Variants in LRRIQ1 observed in about 807,000 individuals in gnomAD.
LRRIQ1 encodes the protein leucine-rich repeat- and IQ domain-containing protein 1.
A neutral mutation model predicts 211.9 loss-of-function variants in LRRIQ1; 210 were observed. That is an observed-to-expected ratio of 0.99 (90% CI 0.89 to 1.11). The LOEUF is 1.11. Among genes scored for constraint, LRRIQ1 ranks in the 50% most tolerant of loss-of-function variants. LRRIQ1 has a pLI of 0.00. For synonymous variants in LRRIQ1, 699 were observed against 650.1 expected, an observed-to-expected ratio of 1.08 and a Z score of -1.14; for missense variants, 2,136 against 1,939.5, an observed-to-expected ratio of 1.10 and a Z score of -1.90.
chr12:85,121,667 GATT>G, intron 15 of LRRIQ1, 27 bp from the exon 16 acceptor site: 1 of 1,511,834 alleles, frequency 6.6e-7, no homozygotes, highest in South Asian at 1.3e-5. Context: ...TCAAGATCAG[GATT>G]ATTAACTTTT....
At chr12:85,249,582 A>G (rs1226189588), downstream of LRRIQ1, among the ~76,000 whole-genome samples, 1 of 151,892 alleles carries the variant, frequency 6.6e-6, no homozygotes, top group Non-Finnish European at 1.5e-5. Context: ...TCCACAAGCC[A>G]TTAAGAAAAT....
chr12:85,093,576 A>T (rs1045992373), intron 11 of LRRIQ1, among the ~76,000 whole-genome samples: 1 of 152,152 alleles, frequency 6.6e-6, no homozygotes, highest in African/African-American at 2.4e-5. Context: ...CCAAAGATTT[A>T]TTTTAGAAAA....
At chr12:85,082,582 C>T (rs1186466001) in intron 11 of LRRIQ1, among the ~76,000 whole-genome samples, 1 of 152,044 alleles carries the variant, frequency 6.6e-6, no homozygotes, top group Non-Finnish European at 1.5e-5. Flanking sequence ...TATTCTATAT[C>T]TCTATCTCTC....
chr12:85,226,063 C>G (rs556135895), intron 24 of LRRIQ1, among the ~76,000 whole-genome samples: 1 of 152,182 alleles, frequency 6.6e-6, no homozygotes, highest in African/African-American at 2.4e-5. Context: ...AGAATTGGAT[C>G]CTTATGATTA....
At chr12:85,165,115 TTAG>T (rs1432644828) in intron 24 of LRRIQ1, among the ~76,000 whole-genome samples, 3 of 152,146 alleles carry the variant, frequency 2.0e-5, no homozygotes, top group African/African-American at 7.2e-5. Flanking sequence ...TGTGAGATTA[TTAG>T]TAAAGAGTGA....
chr12:85,163,064 T>G (rs1262950517), intron 24 of LRRIQ1, among the ~76,000 whole-genome samples: 3 of 152,188 alleles, frequency 2.0e-5, no homozygotes, highest in Non-Finnish European at 4.4e-5. Flanking sequence ...TGCTCTGGAA[T>G]TATTCACTTC....
intron 25 of LRRIQ1, among the ~76,000 whole-genome samples, chr12:85,230,708 T>G (rs943782615): frequency 6.6e-6 from 1 of 152,208 alleles, no homozygotes; most frequent in African/African-American, 2.4e-5. Flanking sequence ...TTGTTTTAGC[T>G]ACATATATCC....
At chr12:85,147,831 G>T (rs1258189248) in intron 19 of LRRIQ1, among the ~76,000 whole-genome samples, 1 of 151,056 alleles carries the variant, frequency 6.6e-6, no homozygotes, top group Admixed American at 6.6e-5. Flanking sequence ...AATTCAAGTT[G>T]TCCCACCCAA....
intron 8 of LRRIQ1, among the ~76,000 whole-genome samples, chr12:85,063,612 G>T (rs906253747): frequency 1.3e-5 from 2 of 151,106 alleles, no homozygotes; most frequent in African/African-American, 4.9e-5. Flanking sequence ...ACCCTATTGT[G>T]CTATCAAATA....
At position 85,092,155 on chromosome 12, in the gene LRRIQ1, T is replaced by C. The variant is rs548714983; in HGVS notation, c.2888-6200T>C. 2.6e-5 allele frequency among the ~76,000 whole-genome samples: 4 copies of C among 152,210 alleles called. No individual in the cohort carries two copies. In the East Asian group the frequency reaches 7.7e-4, roughly 29 times the overall value. On this transcript the variant is annotated intron_variant, in intron 11 of 26. Coordinates refer to ENST00000393217, the MANE Select transcript of LRRIQ1 (RefSeq NM_001079910.2). ...GCAGAGAGTTTTGACTGCACAGAGA[T>C]CATAACAAATCAGTTGCTTACAGAA...
At chr12:85,259,180 A>G (rs1896214151) in intron 1 of LRRIQ1, among the ~76,000 whole-genome samples, 1 of 152,088 alleles carries the variant, frequency 6.6e-6, no homozygotes, top group Non-Finnish European at 1.5e-5. Context: ...GTTGTTAAAC[A>G]TAAAATCTAT....
chr12:85,058,169 T>TA (rs983510139), intron 8 of LRRIQ1, among the ~76,000 whole-genome samples: 2 of 151,990 alleles, frequency 1.3e-5, no homozygotes, highest in Non-Finnish European at 2.9e-5. Context: ...GAGAGAATAA[T>TA]AAAATAGTGG....
chr12:85,214,512 T>C (rs1439521426), intron 24 of LRRIQ1, among the ~76,000 whole-genome samples: 3 of 152,082 alleles, frequency 2.0e-5, no homozygotes, highest in Non-Finnish European at 4.4e-5. Context: ...TGGTGGTAAT[T>C]GTGTGGTGGA....
In LRRIQ1 at chr12:85,244,886, A is replaced by C; in HGVS notation, c.5114A>C (p.His1705Pro). The change falls in exon 27 of 27, where the codon CAC becomes CCC. Residue 1705 changes from histidine (H) to proline (P), a missense_variant. Transcript: ENST00000393217. The stretch of plus-strand genomic sequence containing the variant: ...AACAGAGAAAAAAAAAATCAGGCAC[A>C]CAGACACTCAGCAGGATCTTCAAGT... ...SVNREKKNQA[H>P]RHSAGSSSKL... The C allele has an allele frequency of 6.2e-7, 1 of 1,611,748 alleles. No homozygotes were observed. The highest frequency in any genetic ancestry group is 8.5e-7 in the Non-Finnish European group (1 of 1,178,408).
At chr12:85,079,539 A>G (rs943450619) in intron 11 of LRRIQ1, among the ~76,000 whole-genome samples, 4 of 151,848 alleles carry the variant, frequency 2.6e-5, no homozygotes, top group African/African-American at 9.7e-5. Context: ...CTATCTTTTT[A>G]CTTAAAATAT....
chr12:85,109,469 G>A (rs1887013585), intron 15 of LRRIQ1, among the ~76,000 whole-genome samples: 1 of 152,046 alleles, frequency 6.6e-6, no homozygotes, highest in South Asian at 2.1e-4. Context: ...TGTTATTTAG[G>A]GAAATCTGGC....
chr12:85,228,969 A>G (rs1000478756), intron 24 of LRRIQ1, among the ~76,000 whole-genome samples: 1 of 152,212 alleles, frequency 6.6e-6, no homozygotes, highest in African/African-American at 2.4e-5. Flanking sequence ...GGAGCAGTCT[A>G]AAAGATCAAG....
chr12:85,063,067 G>T (rs1882026574), intron 8 of LRRIQ1, among the ~76,000 whole-genome samples: 1 of 151,530 alleles, frequency 6.6e-6, no homozygotes, highest in African/African-American at 2.4e-5. Context: ...TTTACTTGCT[G>T]ATTTAAGTTC....
At chr12:85,040,793 T>C (rs544631925) in intron 3 of LRRIQ1, among the ~76,000 whole-genome samples, 192 bp downstream of exon 3, 1 of 151,696 alleles carries the variant, frequency 6.6e-6, no homozygotes, top group East Asian at 1.9e-4. Context: ...TTACTATCTT[T>C]CTTAGGTCTT....
Sources: gnomAD v4.1 joint callset for allele counts (sites outside exome capture counted in the v4.1 genomes callset) on GRCh38, gnomAD v4.1.1 for gene constraint, MANE v1.5 for transcripts, NCBI Gene and HGNC (gene_info 2026-07-23, HGNC 2026-07-21) for gene names.